Variants in IQCN observed in about 807,000 individuals in gnomAD.
IQCN encodes the protein IQ domain-containing protein N.
A neutral mutation model predicts 64.4 loss-of-function variants in IQCN; 46 were observed. The observed-to-expected ratio is 0.71, with a 90% confidence interval of 0.56 to 0.91. The LOEUF is 0.91. Among genes scored for constraint, IQCN ranks in the 40% least tolerant of loss-of-function variants. IQCN has a pLI of 0.00. For missense variants in IQCN, 1,753 were observed against 1,857.4 expected (o/e 0.94, Z 1.03); for synonymous variants, 733 against 775.6 (o/e 0.95, Z 0.91).
rs1280270759 is a variant in IQCN, at chr19:18,266,801, A to G, written c.739T>C (p.Phe247Leu). The G allele has an allele frequency of 6.2e-7, 1 of 1,614,182 alleles. No individual in the cohort carries two copies. Residue 247 changes from phenylalanine (F) to leucine (L), a missense_variant, in exon 3 of 4, where the codon TTT becomes CTT. Physicochemically the swap from Phe to Leu is conservative, Grantham distance 22 (BLOSUM62 0). Transcript: ENST00000392413. This position sits in a 1 kb window ranked among gnomAD's most constrained non-coding sequence, Gnocchi z 4.3. ...FLPHQTVTIR[F>L]PCPVSLDAKC... ...GCGTCCAGACTCACTGGGCAGGGAA[A>G]TCTGATGGTGACCGTCTGGTGTGGC...
At position 18,264,454 on chromosome 19, in the gene IQCN, T is replaced by C. The variant is rs888375383; in HGVS notation, c.3086A>G (p.Lys1029Arg). 7.7e-6 allele frequency: 12 copies of C among 1,550,996 alleles called. No homozygotes were observed. The Admixed American group carries it at 2.0e-4, about 25-fold the overall frequency. ...ASKSTGSGVT[K>R]TPALVKVACR... Reference sequence around the variant, plus strand: ...GGCCACCTTCACCAGGGCCGGCGTCTTAGTCACCCCGCTTCCTGTTGATTT... The same window carrying C: ...GGCCACCTTCACCAGGGCCGGCGTCCTAGTCACCCCGCTTCCTGTTGATTT... The change falls in exon 3 of 4, where the codon AAG (lysine) becomes AGG (arginine). Residue 1029 changes from lysine (K) to arginine (R), a missense_variant. Lys to Arg is a conservative substitution (Grantham distance 26). Coordinates refer to ENST00000392413, the MANE Select transcript of IQCN (RefSeq NM_001145304.2). This position sits in a 1 kb window ranked among gnomAD's most constrained non-coding sequence, Gnocchi z 4.3.
At position 18,266,038 on chromosome 19, in the gene IQCN, A is replaced by G. The variant is rs764786631; in HGVS notation, c.1502T>C (p.Ile501Thr). 36 of 1,614,096 alleles carry G rather than the reference A, an allele frequency of 2.2e-5. No individual in the cohort carries two copies. The highest frequency in any genetic ancestry group is 1.0e-4 in the Admixed American group (6 of 60,018). Residue 501 changes from isoleucine to threonine, a missense_variant, in exon 3 of 4, where the codon ATA becomes ACA. By Grantham distance (89) the Ile-to-Thr change is moderately conservative (BLOSUM62 -1). Coordinates refer to ENST00000392413, the MANE Select transcript of IQCN (RefSeq NM_001145304.2). The surrounding 1 kb of genome is among the most constrained non-coding windows in gnomAD (Gnocchi z 4.3). ...PSPQTRLPAM[I>T]TKTPAQLRSV... ...GCGTAACTGGGCTGGGGTCTTGGTT[A>G]TCATGGCTGGCAGGCGGGTCTGGGG...
In IQCN at chr19:18,266,958, G is replaced by T. The variant is rs368751613; in HGVS notation, c.582C>A (p.Phe194Leu). Residue 194 changes from phenylalanine (F) to leucine (L), a missense_variant, in exon 3 of 4, where the codon TTC (phenylalanine) becomes TTA (leucine). Transcript: ENST00000392413. The surrounding 1 kb of genome is among the most constrained non-coding windows in gnomAD (Gnocchi z 4.3). Reference protein sequence around the residue: ...PPIMVNKETQFPSCDNLVLCR... With the variant: ...PPIMVNKETQLPSCDNLVLCR... ...AGAGGACCAGATTGTCACAGGAAGG[G>T]AACTGGGTCTCCTTGTTCACCATGA... 1.2e-6 allele frequency: 2 copies of T among 1,613,122 alleles called. No individual in the cohort carries two copies. The highest frequency in any genetic ancestry group is 2.7e-5 in the African/African-American group (2 of 74,918).
intron 2 of IQCN, among the ~76,000 whole-genome samples, chr19:18,268,541 A>C (rs1340723321): frequency 6.6e-6 from 1 of 152,122 alleles, no homozygotes; most frequent in Non-Finnish European, 1.5e-5. Flanking sequence ...TGTTAAAGGC[A>C]AATTGGCCCG....
chr19:18,273,312 A>T (rs146942947), intron 1 of IQCN, among the ~76,000 whole-genome samples: 1 of 151,134 alleles, frequency 6.6e-6, no homozygotes, highest in African/African-American at 2.4e-5. Context: ...GATTACAGGC[A>T]TGAGTCACCA....
intron 1 of IQCN, among the ~76,000 whole-genome samples, chr19:18,270,575 T>C (rs1285571125): frequency 6.6e-6 from 1 of 151,398 alleles, no homozygotes; most frequent in African/African-American, 2.4e-5. Flanking sequence ...AGGAGGATCA[T>C]TTGAGGCCAG....
At chr19:18,270,869 A>G (rs1007660427) in intron 1 of IQCN, among the ~76,000 whole-genome samples, 3 of 150,832 alleles carry the variant, frequency 2.0e-5, no homozygotes, top group African/African-American at 7.3e-5. Context: ...AAGAGTAAGT[A>G]TAAGATAAAA....
Position 18,257,267 on chromosome 19 carries a change from G to A in IQCN, c.4017C>T (p.Thr1339=), listed in dbSNP as rs752833176. The change falls in exon 4 of 4, where the codon ACC becomes ACT. Residue 1339 remains threonine, a synonymous_variant. Transcript: ENST00000392413. ...IVQATWRGHH[T]RSCLKNTEAL... ...CCTCTGTGTTCTTCAGACAGCTCCG[G>A]GTATGGTGGCCTCGCCAGGTGGCTT... is the stretch of plus-strand genomic sequence containing the variant. The A allele has an allele frequency of 2.5e-6, 4 of 1,613,722 alleles. No individual in the cohort carries two copies. The Admixed American group carries it at 6.7e-5, about 27-fold the overall frequency.
Position 18,265,365 on chromosome 19 carries a change from A to T in IQCN, c.2175T>A (p.Gly725=). Residue 725 remains glycine, a synonymous_variant, in exon 3 of 4, where the codon GGT becomes GGA. Transcript: ENST00000392413. This position sits in a 1 kb window ranked among gnomAD's most constrained non-coding sequence, Gnocchi z 4.7. ...KMHSQTHLAT[G]AVKVQSQAPL... ...GCGCTTGGGACTGGACCTTCACGGC[A>T]CCTGTGGCCAGATGTGTCTGGGAAT... is the stretch of plus-strand genomic sequence containing the variant. The T allele has an allele frequency of 6.2e-7, 1 of 1,614,018 alleles. No individual in the cohort carries two copies. Among genetic ancestry groups the T allele is most frequent in the East Asian group, 2.2e-5 (1 of 44,872 alleles).
intron 1 of IQCN, among the ~76,000 whole-genome samples, chr19:18,273,563 C>G (rs780350028): frequency 1.3e-5 from 2 of 152,114 alleles, no homozygotes; most frequent in Middle Eastern, 3.4e-3. Context: ...AACTCCTGAT[C>G]ACAGGTGATC....
At position 18,265,227 on chromosome 19, in the gene IQCN, G is replaced by C; in HGVS notation, c.2313C>G (p.Ser771=). 1 of 1,612,970 alleles carries C rather than the reference G, an allele frequency of 6.2e-7. No homozygotes were observed. Among genetic ancestry groups the C allele is most frequent in the South Asian group, 1.1e-5 (1 of 91,086 alleles). Residue 771 remains serine, a synonymous_variant, in exon 3 of 4, where the codon TCC becomes TCG. Coordinates refer to ENST00000392413, the MANE Select transcript of IQCN (RefSeq NM_001145304.2). The surrounding 1 kb of genome is among the most constrained non-coding windows in gnomAD (Gnocchi z 4.7). The part of the protein sequence containing the change: ...QAADLSSNTH[S]QVLLTGSKVS... ...CCTTGGACCCTGTTAGGAGCACCTGGGAGTGGGTGTTGCTGCTGAGATCAG... is the reference window on the plus strand; with the variant it reads ...CCTTGGACCCTGTTAGGAGCACCTGCGAGTGGGTGTTGCTGCTGAGATCAG...
chr19:18,267,538 G>T lies in IQCN; in HGVS notation c.14-12C>A. The T allele has an allele frequency of 2.0e-6, 3 of 1,512,614 alleles. No homozygotes were observed. Among genetic ancestry groups the T allele is most frequent in the Non-Finnish European group, 1.8e-6 (2 of 1,133,538 alleles). 93.7% of individuals were successfully genotyped at this position (1,512,614 alleles called of 1,614,324 possible). A position where few individuals can be genotyped will look rare whatever the true frequency, so the allele number is the denominator to read the frequency against. ...CAGGTCAGCTCTGCCTGTGGGGGCG[G>T]CAGGGGGTGGTCAGGGTGTAGCAGG... On this transcript the variant is annotated splice_polypyrimidine_tract_variant and intron_variant, in intron 2 of 3. Coordinates refer to ENST00000392413, the MANE Select transcript of IQCN (RefSeq NM_001145304.2).
rs748860595 is a variant in IQCN, at chr19:18,257,939, G to C, written c.3345C>G (p.Leu1115=). Reference sequence around the variant, plus strand: ...CGCCCGCCTGGATAGTGATCACTGCGAGGATGCGGATCTCCTCTGCAGCCT... The same window carrying C: ...CGCCCGCCTGGATAGTGATCACTGCCAGGATGCGGATCTCCTCTGCAGCCT... ...SMQAAEEIRI[L]AVITIQAGVR... is the part of the protein sequence containing the mutation. The change falls in exon 4 of 4, where the codon CTC becomes CTG. Residue 1115 remains leucine, a synonymous_variant. Transcript: ENST00000392413. 5.8e-5 allele frequency: 93 copies of C among 1,612,792 alleles called. No individual in the cohort carries two copies. The highest frequency in any genetic ancestry group is 7.2e-5 in the Non-Finnish European group (85 of 1,179,954).
At chr19:18,271,542 G>A (rs1054270714) in intron 1 of IQCN, among the ~76,000 whole-genome samples, 1 of 152,060 alleles carries the variant, frequency 6.6e-6, no homozygotes, top group Non-Finnish European at 1.5e-5. Flanking sequence ...CAAAAAAGGG[G>A]CAAATTTGGA....
Position 18,257,134 on chromosome 19 carries a change from G to C in IQCN, c.*46C>G, listed in dbSNP as rs1318507855. On this transcript the variant is annotated 3_prime_UTR_variant, in exon 4 of 4. Coordinates refer to ENST00000392413, the MANE Select transcript of IQCN (RefSeq NM_001145304.2). ...GGACTTTATTCATTAGACCCAGAGAGCCATGAGTGCCTCCCACGAAGTCCC... is the reference window on the plus strand; with the variant it reads ...GGACTTTATTCATTAGACCCAGAGACCCATGAGTGCCTCCCACGAAGTCCC... 1 of 1,579,558 alleles carries C rather than the reference G, an allele frequency of 6.3e-7. No homozygotes were observed.
At position 18,257,359 on chromosome 19, in the gene IQCN, A is replaced by G. The variant is rs763112620; in HGVS notation, c.3925T>C (p.Ser1309Pro). Residue 1309 changes from serine (S) to proline (P), a missense_variant, in exon 4 of 4, where the codon TCC (serine) becomes CCC (proline). Ser to Pro is a moderately conservative substitution (Grantham distance 74). Transcript: ENST00000392413. ...CGGATCTTAAAGCCCCTCCAGGCGG[A>G]CTGGATGGCTGTGGCCGCTTTGTCC... is the stretch of plus-strand genomic sequence containing the variant. ...RQDKAATAIQ[S>P]AWRGFKIRQQ... 1 of 1,612,446 alleles carries G rather than the reference A, an allele frequency of 6.2e-7. No homozygotes were observed. The highest frequency in any genetic ancestry group is 2.2e-5 in the East Asian group (1 of 44,874).
In IQCN at chr19:18,264,403, C is replaced by A. The variant is rs1969495049; in HGVS notation, c.3137G>T (p.Trp1046Leu). ...TCTCACGGGGCCCAGGGAGGGCCCC[C>A]ATGCGGCCGATGGACTCCTCCTGCA... ...VACRRSPSAA[W>L]GPSLGPVRPQ... The change falls in exon 3 of 4, where the codon TGG becomes TTG. Residue 1046 changes from tryptophan to leucine, a missense_variant. Transcript: ENST00000392413. The surrounding 1 kb of genome is among the most constrained non-coding windows in gnomAD (Gnocchi z 4.3). 3.9e-6 allele frequency: 6 copies of A among 1,529,762 alleles called. No homozygotes were observed. Among genetic ancestry groups the A allele is most frequent in the Non-Finnish European group, 4.4e-6 (5 of 1,135,730 alleles). 94.8% of individuals were successfully genotyped at this position (1,529,762 alleles called of 1,614,324 possible).
chr19:18,264,254 G>T lies in IQCN; in HGVS notation c.3177+109C>A. The T allele has an allele frequency of 1.0e-6, 1 of 960,164 alleles. No individual in the cohort carries two copies. The highest frequency in any genetic ancestry group is 1.5e-6 in the Non-Finnish European group (1 of 668,174). 59.5% of individuals were successfully genotyped at this position (960,164 alleles called of 1,614,324 possible). A position where few individuals can be genotyped will look rare whatever the true frequency, so the allele number is the denominator to read the frequency against. ...AGGCTCCCACAGTGACCACAGATAA[G>T]CAGGGTGACCCCCACAAGATGGCCC... On this transcript the variant is annotated intron_variant, in intron 3 of 3. Coordinates refer to ENST00000392413, the MANE Select transcript of IQCN (RefSeq NM_001145304.2). The surrounding 1 kb of genome is among the most constrained non-coding windows in gnomAD (Gnocchi z 4.3).
chr19:18,257,215 C>T lies in IQCN; in HGVS notation c.4069G>A (p.Ala1357Thr), dbSNP rs375255878. ...EALLGPADPS[A>T]SSRHMHWPGI The stretch of plus-strand genomic sequence containing the variant: ...GGCCAATGCATGTGCCGTGAGCTGG[C>T]CGAGGGGTCTGCTGGTCCCAAGAGC... Residue 1357 changes from alanine to threonine, a missense_variant, in exon 4 of 4, where the codon GCC becomes ACC. Transcript: ENST00000392413. 5 of 1,613,430 alleles carry T rather than the reference C, an allele frequency of 3.1e-6. No homozygotes were observed. In the African/African-American group the frequency reaches 6.7e-5, roughly 22 times the overall value.
Sources: allele counts gnomAD v4.1 joint callset (sites outside exome capture counted in the v4.1 genomes callset), GRCh38; gene constraint gnomAD v4.1.1; non-coding constraint Gnocchi (gnomAD v3.1); transcripts MANE v1.5; gene names NCBI Gene and HGNC (gene_info 2026-07-23, HGNC 2026-07-21).